Variants in KDSR observed in about 807,000 individuals in gnomAD.
The protein encoded by KDSR is 3-dehydrosphinganine reductase.
KDSR carries 23 observed loss-of-function variants against 41.3 expected under a neutral mutation model. The ratio of observed to expected loss-of-function variants is 0.56; its 90% CI spans 0.40 to 0.79. The LOEUF (loss-of-function observed/expected upper bound fraction) is 0.79. Ranked by LOEUF, KDSR falls within the 30% of genes least tolerant of loss-of-function variation. The pLI, the probability that KDSR is intolerant of heterozygous loss-of-function variation, is 0.00. For missense variants in KDSR, 351 were observed against 416.8 expected, an observed-to-expected ratio of 0.84 and a Z score of 1.37; for synonymous variants, 138 against 151.7, an observed-to-expected ratio of 0.91 and a Z score of 0.66.
At chr18:63,334,148 CAA>C (rs1239411835) in intron 9 of KDSR, among the ~76,000 whole-genome samples, 1 of 152,122 alleles carries the variant, frequency 6.6e-6, no homozygotes, top group Non-Finnish European at 1.5e-5. Flanking sequence ...AAGAGAATGG[CAA>C]AGACAGTAGG....
At chr18:63,333,629 A>G (rs1322458653) in intron 9 of KDSR, among the ~76,000 whole-genome samples, 3 of 152,192 alleles carry the variant, frequency 2.0e-5, no homozygotes, top group Admixed American at 6.5e-5. Flanking sequence ...GACTCTGTGC[A>G]GCTAAACCTT....
In KDSR at chr18:63,362,978, T is replaced by G. The variant is rs371069293; in HGVS notation, c.109-110A>C. The G allele has an allele frequency of 4.2e-4, 289 of 684,070 alleles. 1 individual carries two copies. In the African/African-American group the frequency reaches 4.7e-3, roughly 11 times the overall value. The allele number at this position is 684,070 out of a possible 1,614,324, so 42.4% of individuals were successfully genotyped here. A position where few individuals can be genotyped will look rare whatever the true frequency, so the allele number is the denominator to read the frequency against. ...TTAAAATGAATCTACAAGAACTAAA[T>G]GATTAGCTGTTGTTAACTTCTTCAT... On this transcript the variant is annotated intron_variant, in intron 1 of 9. Transcript: ENST00000645214.
At position 63,331,319 on chromosome 18, in the gene KDSR, AG is replaced by A; in HGVS notation, c.*462del. 8.5e-6 allele frequency: 1 copy of A among 118,246 alleles called. No individual in the cohort carries two copies. Among genetic ancestry groups the A allele is most frequent in the African/African-American group, 3.6e-5 (1 of 27,438 alleles). 7.3% of individuals were successfully genotyped at this position (118,246 alleles called of 1,614,324 possible). ...CAGAGAGACAGAGAGACAGAGAGAC[AG>A]AGAGACAGAGAGAGAGAGAGAGAGA... On this transcript the variant is annotated 3_prime_UTR_variant, in exon 10 of 10. Coordinates refer to ENST00000645214, the MANE Select transcript of KDSR (RefSeq NM_002035.4).
chr18:63,356,267 T>G (rs1914790253), intron 3 of KDSR, among the ~76,000 whole-genome samples: 1 of 151,986 alleles, frequency 6.6e-6, no homozygotes, highest in African/African-American at 2.4e-5. Context: ...GGCGTGGTGG[T>G]GGGCACTTAT....
intron 9 of KDSR, among the ~76,000 whole-genome samples, chr18:63,332,831 C>CAAAAAA (rs1159424416): frequency 2.7e-5 from 2 of 75,040 alleles, no homozygotes; most frequent in Non-Finnish European, 5.0e-5. Context: ...GACTCCGTCT[C>CAAAAAA]AAAAAAAAAA....
chr18:63,365,917 T>G (rs1372269490), intron 1 of KDSR: 1 of 152,236 alleles, frequency 6.6e-6, no homozygotes, highest in East Asian at 1.9e-4. Context: ...CATTTTCTCA[T>G]TCACAAACCC....
rs556698705 is a variant in KDSR, at chr18:63,364,919, T to G, written c.109-2051A>C. On this transcript the variant is annotated intron_variant, in intron 1 of 9. Transcript: ENST00000645214. ...GTTTCCCTATAACCAGACATTTAGA[T>G]TTTTCCTAATATTCACTGTTATACA... Among the ~76,000 whole-genome samples, 5 of 152,352 alleles carry G rather than the reference T, an allele frequency of 3.3e-5. No homozygotes were observed. The South Asian group carries it at 8.3e-4, about 25-fold the overall frequency.
In KDSR at chr18:63,329,971, T is replaced by C. The variant is rs539330651; in HGVS notation, c.*1811A>G. On this transcript the variant is annotated 3_prime_UTR_variant, in exon 10 of 10. Transcript: ENST00000645214. Reference sequence around the variant, plus strand: ...AAGACTGAAAGATTTATGAAACCATTCTGGCATCAACCCATCCTTACAAGC... The same window carrying C: ...AAGACTGAAAGATTTATGAAACCATCCTGGCATCAACCCATCCTTACAAGC... 6 of 189,590 alleles carry C rather than the reference T, an allele frequency of 3.2e-5. No individual in the cohort carries two copies. In the South Asian group the frequency reaches 1.2e-3, roughly 37 times the overall value. 11.7% of individuals were successfully genotyped at this position (189,590 alleles called of 1,614,324 possible). A position where few individuals can be genotyped will look rare whatever the true frequency, so the allele number is the denominator to read the frequency against.
intron 5 of KDSR, among the ~76,000 whole-genome samples, chr18:63,351,600 G>T (rs1469714641): frequency 1.3e-5 from 2 of 152,214 alleles, no homozygotes; most frequent in African/African-American, 4.8e-5. Flanking sequence ...TGTAAACAAG[G>T]TCAACAAGGG....
chr18:63,357,896 G>T (rs1044878727), intron 3 of KDSR, among the ~76,000 whole-genome samples: 2 of 152,116 alleles, frequency 1.3e-5, no homozygotes, highest in Non-Finnish European at 2.9e-5. Context: ...ATATTGAGTG[G>T]TCTGGGAATG....
At chr18:63,343,959 T>C (rs909597242) in intron 7 of KDSR, among the ~76,000 whole-genome samples, 5 of 152,116 alleles carry the variant, frequency 3.3e-5, no homozygotes, top group Admixed American at 3.3e-4. Context: ...GGAGGATCAC[T>C]TGAGGCCAGG....
At chr18:63,342,423 G>T (rs559238130) in intron 7 of KDSR, among the ~76,000 whole-genome samples, 3 of 152,254 alleles carry the variant, frequency 2.0e-5, no homozygotes, top group African/African-American at 7.2e-5. Context: ...AACAGACCAG[G>T]AACGGGGACG....
Position 63,329,277 on chromosome 18 carries a change from G to A in KDSR, c.*2505C>T, listed in dbSNP as rs1568272651. 1.4e-5 allele frequency: 3 copies of A among 208,142 alleles called. No homozygotes were observed. The highest frequency in any genetic ancestry group is 2.9e-5 in the Non-Finnish European group (3 of 102,202). The allele number at this position is 208,142 out of a possible 1,614,324, so 12.9% of individuals were successfully genotyped here. On this transcript the variant is annotated 3_prime_UTR_variant, in exon 10 of 10. Coordinates refer to ENST00000645214, the MANE Select transcript of KDSR (RefSeq NM_002035.4). ...TTGGGGTTTTAAAAAGGCAATATGG[G>A]CATATTTTGAATATTACAAAACACC...
rs1312734685 is a variant in KDSR at position 63,330,725 on chromosome 18, CT to C, written c.*1056del. On this transcript the variant is annotated 3_prime_UTR_variant, in exon 10 of 10. Transcript: ENST00000645214. ...ATATATGCTCCGAGAAAAAGTCACA[CT>C]TTTTAATTTTTTCATTTGCTTTAAT... 4.4e-6 allele frequency: 1 copy of C among 228,336 alleles called. No homozygotes were observed. Among genetic ancestry groups the C allele is most frequent in the Non-Finnish European group, 8.7e-6 (1 of 115,318 alleles). The allele number at this position is 228,336 out of a possible 1,614,324, so 14.1% of individuals were successfully genotyped here.
intron 9 of KDSR, among the ~76,000 whole-genome samples, chr18:63,334,427 T>G (rs1914097373): frequency 6.6e-6 from 1 of 151,714 alleles, no homozygotes; most frequent in Admixed American, 6.6e-5. Context: ...CTCGGCTCAC[T>G]GCAACCTCCA....
At chr18:63,354,795 A>T (rs966798994) in intron 5 of KDSR, among the ~76,000 whole-genome samples, 1 of 152,206 alleles carries the variant, frequency 6.6e-6, no homozygotes, top group African/African-American at 2.4e-5. Flanking sequence ...GTATCTTTTT[A>T]TCTTGATTTG....
intron 6 of KDSR, among the ~76,000 whole-genome samples, chr18:63,348,834 G>A (rs952842186): frequency 1.3e-5 from 2 of 152,080 alleles, no homozygotes; most frequent in Admixed American, 6.5e-5. Context: ...TCTTCATCCC[G>A]CAACCACCCC....
At chr18:63,348,617 G>A (rs1254022304) in intron 6 of KDSR, among the ~76,000 whole-genome samples, 1 of 152,102 alleles carries the variant, frequency 6.6e-6, no homozygotes, top group African/African-American at 2.4e-5. Flanking sequence ...ATACAGACTT[G>A]AGCGTGCAGG....
rs1271932557 is a variant in KDSR at position 63,367,171 on chromosome 18, G to A, written c.-53C>T. 2.1e-6 allele frequency: 2 copies of A among 967,548 alleles called. No homozygotes were observed. The highest frequency in any genetic ancestry group is 2.7e-6 in the Non-Finnish European group (2 of 738,712). 59.9% of individuals were successfully genotyped at this position (967,548 alleles called of 1,614,324 possible). A position where few individuals can be genotyped will look rare whatever the true frequency, so the allele number is the denominator to read the frequency against. The stretch of plus-strand genomic sequence containing the variant: ...GGCCGGGCGGGGGCCGCCGGGCAAG[G>A]CGCGCAGGGCTGGGCTGCGGCGAGG... On this transcript the variant is annotated 5_prime_UTR_variant, in exon 1 of 10. Coordinates refer to ENST00000645214, the MANE Select transcript of KDSR (RefSeq NM_002035.4).
Sources: gnomAD v4.1 joint callset for allele counts (sites outside exome capture counted in the v4.1 genomes callset) on GRCh38, gnomAD v4.1.1 for gene constraint, MANE v1.5 for transcripts, NCBI Gene and HGNC (gene_info 2026-07-23, HGNC 2026-07-21) for gene names.